The following ATP6V0D2 variants were observed in gnomAD, a reference collection of about 807,000 sequenced individuals.
ATP6V0D2 encodes ATPase H+ transporting V0 subunit d2, also known as V-type proton ATPase subunit d 2.
In ATP6V0D2, 40 loss-of-function variants were observed where a neutral mutation model predicts 40.0. The ratio of observed to expected loss-of-function variants is 1.00; its 90% confidence interval spans 0.78 to 1.30. ATP6V0D2 has a LOEUF of 1.30. Among genes scored for constraint, ATP6V0D2 ranks in the 50% most tolerant of loss-of-function variants. The pLI is 0.00. For missense variants in ATP6V0D2, 470 were observed against 423.1 expected (o/e 1.11, Z -0.97); for synonymous variants, 179 against 156.3 (o/e 1.15, Z -1.08).
At chr8:86,132,777 G>A (rs1021669787) in intron 2 of ATP6V0D2, among the ~76,000 whole-genome samples, 2 of 152,150 alleles carry the variant, frequency 1.3e-5, no homozygotes, top group Non-Finnish European at 2.9e-5. Flanking sequence ...GAATAGTGCT[G>A]CAATAAACAT....
intron 5 of ATP6V0D2, among the ~76,000 whole-genome samples, chr8:86,147,601 A>G (rs1261112213): frequency 6.6e-6 from 1 of 152,186 alleles, no homozygotes; most frequent in East Asian, 1.9e-4. Flanking sequence ...TGTTTTCACC[A>G]TAGGATAATA....
intron 1 of ATP6V0D2, among the ~76,000 whole-genome samples, chr8:86,111,155 C>A (rs886118464): frequency 6.6e-6 from 1 of 151,698 alleles, no homozygotes. Context: ...ACTTGTCCCC[C>A]ACTAAGTCGT....
chr8:86,132,128 G>A (rs2130261245), intron 2 of ATP6V0D2, among the ~76,000 whole-genome samples: 1 of 152,232 alleles, frequency 6.6e-6, no homozygotes, highest in African/African-American at 2.4e-5. Context: ...ATACTATGAT[G>A]TATAGCCCTG....
intron 5 of ATP6V0D2, among the ~76,000 whole-genome samples, chr8:86,145,463 A>G (rs1229520561): frequency 6.6e-6 from 1 of 152,148 alleles, no homozygotes; most frequent in Non-Finnish European, 1.5e-5. Context: ...CTTAAAATAA[A>G]GCCTAAATAG....
intron 3 of ATP6V0D2, among the ~76,000 whole-genome samples, chr8:86,139,959 T>C (rs1239139996): frequency 1.3e-5 from 2 of 152,200 alleles, no homozygotes; most frequent in African/African-American, 4.8e-5. Context: ...TCATAGCAAA[T>C]AAATAATAGC....
chr8:86,143,499 T>C (rs1327895836), intron 5 of ATP6V0D2, among the ~76,000 whole-genome samples: 4 of 152,198 alleles, frequency 2.6e-5, no homozygotes, highest in Non-Finnish European at 5.9e-5. Context: ...GGATTATTCA[T>C]GTCTCCCCTT....
intron 2 of ATP6V0D2, among the ~76,000 whole-genome samples, chr8:86,131,220 G>A (rs78779143): frequency 6.6e-6 from 1 of 151,896 alleles, no homozygotes; most frequent in Admixed American, 6.6e-5. Context: ...GAGGTGGGGG[G>A]AACGAAGTCT....
intron 2 of ATP6V0D2, among the ~76,000 whole-genome samples, chr8:86,114,265 C>T (rs1344485058): frequency 5.9e-5 from 9 of 152,104 alleles, no homozygotes; most frequent in Non-Finnish European, 1.2e-4. Context: ...TCACATAAAC[C>T]ACTCCTAATT....
intron 4 of ATP6V0D2, 25 bp from the exon 5 acceptor site, chr8:86,142,852 C>G: frequency 7.0e-7 from 1 of 1,430,244 alleles, no homozygotes; most frequent in Non-Finnish European, 9.8e-7. Flanking sequence ...CATTATATCA[C>G]TTTATGATCT....
rs2128929 is a variant in ATP6V0D2 at position 86,117,427 on chromosome 8, G to A, written c.302+3547G>A. Among the ~76,000 whole-genome samples, 314 of 152,244 alleles carry A rather than the reference G, an allele frequency of 2.1e-3. 2 individuals carry two copies. The highest frequency in any genetic ancestry group is 6.8e-3 in the South Asian group (33 of 4,820). On this transcript the variant is annotated intron_variant, in intron 2 of 7. Transcript: ENST00000285393. ...CTAGCTCAAATTGTTTTCCCAAATA[G>A]CTCTCCCTTTCTACTCCATTTCTGT...
chr8:86,124,057 C>T lies in ATP6V0D2; in HGVS notation c.302+10177C>T, dbSNP rs7009376. The stretch of plus-strand genomic sequence containing the variant: ...TAATAATATGAAATTGGCTTTTTGA[C>T]ACCACCATGCCCTTGTGATCCTGAG... On this transcript the variant is annotated intron_variant, in intron 2 of 7. Coordinates refer to ENST00000285393, the MANE Select transcript of ATP6V0D2 (RefSeq NM_152565.1). Among the ~76,000 whole-genome samples the T allele has an allele frequency of 4.6e-3, 703 of 152,226 alleles. 3 individuals carry two copies. The highest frequency in any genetic ancestry group is 0.024 in the Middle Eastern group (7 of 294).
At chr8:86,122,166 C>G (rs79995713) in intron 2 of ATP6V0D2, among the ~76,000 whole-genome samples, 7,919 of 152,138 alleles carry the variant, frequency 0.052, 295 homozygotes, top group Non-Finnish European at 0.081. Context: ...CTTTTGAAAC[C>G]AGGCATCTTT....
chr8:86,150,108 T>C lies in ATP6V0D2; in HGVS notation c.640-4T>C. On this transcript the variant is annotated splice_region_variant and splice_polypyrimidine_tract_variant and intron_variant, in intron 5 of 7. Coordinates refer to ENST00000285393, the MANE Select transcript of ATP6V0D2 (RefSeq NM_152565.1). ...ATTTTACTGGTTTTGTCTTGCAAAT[T>C]CAGTTTGAGGCCGACAGACGTGCTT... 1.2e-6 allele frequency: 2 copies of C among 1,608,990 alleles called. No individual in the cohort carries two copies. The highest frequency in any genetic ancestry group is 1.7e-6 in the Non-Finnish European group (2 of 1,176,962).
intron 1 of ATP6V0D2, among the ~76,000 whole-genome samples, chr8:86,104,850 T>TACACACACACACACACAC (rs146266622): frequency 0.013 from 1,886 of 146,040 alleles, 31 homozygotes; most frequent in East Asian, 0.046. Flanking sequence ...TTAAAACACA[T>TACACACACACACACACAC]ACACACACAC....
intron 3 of ATP6V0D2, 84 bp downstream of exon 3, chr8:86,139,719 G>T (rs1480750658): frequency 1.1e-5 from 16 of 1,416,352 alleles, no homozygotes; most frequent in Non-Finnish European, 1.4e-5. Context: ...CTTCCCTGTG[G>T]TCCAAAAGAA....
intron 2 of ATP6V0D2, among the ~76,000 whole-genome samples, chr8:86,138,639 T>G (rs1818928126): frequency 6.6e-6 from 1 of 152,226 alleles, no homozygotes; most frequent in South Asian, 2.1e-4. Context: ...AAATTCACAA[T>G]GTGATCTCAT....
chr8:86,115,367 T>TTTTC (rs1818580151), intron 2 of ATP6V0D2, among the ~76,000 whole-genome samples: 1 of 131,466 alleles, frequency 7.6e-6, no homozygotes, highest in Non-Finnish European at 1.6e-5. Context: ...CATTTTTTTT[T>TTTTC]TTTTTTTTTT....
intron 1 of ATP6V0D2, among the ~76,000 whole-genome samples, chr8:86,106,958 G>T (rs1471834643): frequency 6.6e-6 from 1 of 151,994 alleles, no homozygotes; most frequent in East Asian, 1.9e-4. Context: ...ATTGCTAGAG[G>T]CCAGGAGTTC....
intron 2 of ATP6V0D2, among the ~76,000 whole-genome samples, chr8:86,126,252 A>ATATATATGTATG (rs1554588457): frequency 7.4e-5 from 10 of 135,830 alleles, no homozygotes; most frequent in Non-Finnish European, 1.3e-4. Context: ...ATATATATAT[A>ATATATATGTATG]TATATATATA....
Sources: allele counts gnomAD v4.1 joint callset (sites outside exome capture counted in the v4.1 genomes callset), GRCh38; gene constraint gnomAD v4.1.1; transcripts MANE v1.5; gene names NCBI Gene and HGNC (gene_info 2026-07-23, HGNC 2026-07-21).